PTPRD: variants seen among roughly 807,000 people sequenced by gnomAD.
The protein encoded by PTPRD is receptor-type tyrosine-protein phosphatase delta.
Under a neutral mutation model 214.5 loss-of-function variants are expected in PTPRD, and 34 were observed. The ratio of observed to expected loss-of-function variants is 0.16; its 90% CI spans 0.12 to 0.21. PTPRD has a LOEUF of 0.21. Ranked by LOEUF, PTPRD falls within the 10% of genes least tolerant of loss-of-function variation. PTPRD has a pLI of 1.00. For synonymous variants in PTPRD, 1,128 were observed against 845.7 expected (o/e 1.33, Z -5.79); for missense variants, 2,545 against 2,398.7 (o/e 1.06, Z -1.27).
intron 7 of PTPRD, among the ~76,000 whole-genome samples, chr9:9,635,442 CT>C (rs1170833283): frequency 6.6e-6 from 1 of 152,156 alleles, no homozygotes; most frequent in Non-Finnish European, 1.5e-5. Context: ...GAAACAGCTT[CT>C]GGCTGGACAC....
In PTPRD at chr9:10,131,617, A is replaced by T. The variant is rs2098885947; in HGVS notation, c.-544-97827T>A. On this transcript the variant is annotated intron_variant, in intron 3 of 45. Transcript: ENST00000381196. ...TATTAAATACCTCCCATTATTTTATAATTATATATGAAGGAAGATGTAAGC... is the reference window on the plus strand; with the variant it reads ...TATTAAATACCTCCCATTATTTTATTATTATATATGAAGGAAGATGTAAGC... 1.3e-5 allele frequency among the ~76,000 whole-genome samples: 2 copies of T among 152,150 alleles called. 1 individual carries two copies. The highest frequency in any genetic ancestry group is 4.1e-4 in the South Asian group (2 of 4,832).
intron 5 of PTPRD, among the ~76,000 whole-genome samples, chr9:9,826,055 C>T (rs150894963): frequency 6.6e-6 from 1 of 151,746 alleles, no homozygotes; most frequent in African/African-American, 2.4e-5. Flanking sequence ...ATCTGTTCTG[C>T]TCTCTTTTAT....
chr9:10,359,961 G>A (rs1276084979), intron 2 of PTPRD, among the ~76,000 whole-genome samples: 2 of 152,136 alleles, frequency 1.3e-5, no homozygotes, highest in African/African-American at 4.8e-5. Context: ...AGCTGCATTT[G>A]AATCTTTTAT....
chr9:8,677,897 C>T (rs1555104992), intron 12 of PTPRD, among the ~76,000 whole-genome samples: 1 of 152,096 alleles, frequency 6.6e-6, no homozygotes, highest in Non-Finnish European at 1.5e-5. Flanking sequence ...GGGAAAGCAG[C>T]AGCAGTTATT....
At chr9:9,190,608 G>A (rs1389738104) in intron 9 of PTPRD, among the ~76,000 whole-genome samples, 1 of 151,982 alleles carries the variant, frequency 6.6e-6, no homozygotes, top group East Asian at 1.9e-4. Context: ...TTCACCATGT[G>A]ATGACATAGC....
intron 10 of PTPRD, among the ~76,000 whole-genome samples, chr9:9,069,654 T>A (rs2099740884): frequency 6.6e-6 from 1 of 152,236 alleles, no homozygotes; most frequent in Non-Finnish European, 1.5e-5. Context: ...TTTCTTGTAG[T>A]GACCAGTGTC....
chr9:8,891,378 C>T (rs544240570), intron 11 of PTPRD, among the ~76,000 whole-genome samples: 27 of 151,738 alleles, frequency 1.8e-4, no homozygotes, highest in African/African-American at 5.6e-4. Flanking sequence ...GTGATCCGCC[C>T]GCCTCGGCCT....
intron 11 of PTPRD, among the ~76,000 whole-genome samples, chr9:8,805,738 G>C (rs1234931084): frequency 6.6e-6 from 1 of 151,532 alleles, no homozygotes; most frequent in Non-Finnish European, 1.5e-5. Context: ...GGTCACACCT[G>C]TAATTCCAGC....
intron 2 of PTPRD, among the ~76,000 whole-genome samples, chr9:10,390,926 C>T (rs1315463676): frequency 1.3e-5 from 2 of 151,734 alleles, no homozygotes; most frequent in African/African-American, 2.4e-5. Context: ...GGTCCACTAC[C>T]AACATCTGTC....
chr9:9,360,725 T>C (rs183572174), intron 9 of PTPRD, among the ~76,000 whole-genome samples: 8 of 151,340 alleles, frequency 5.3e-5, no homozygotes, highest in Admixed American at 5.3e-4. Context: ...TTATATTTTC[T>C]ATAAATAATG....
At position 9,549,242 on chromosome 9, in the gene PTPRD, A is replaced by G. The variant is rs566695880; in HGVS notation, c.-237+25490T>C. On this transcript the variant is annotated intron_variant, in intron 8 of 45. Coordinates refer to ENST00000381196, the MANE Select transcript of PTPRD (RefSeq NM_002839.4). ...GCCACAGGTTAGGAGAAAATTATAC[A>G]TATATATGTGTATAATGTATATATT... 1.3e-3 allele frequency among the ~76,000 whole-genome samples: 201 copies of G among 152,196 alleles called. 4 individuals are homozygous for G. The South Asian group carries it at 0.024, about 18-fold the overall frequency.
At chr9:8,474,113 G>C (rs1188101866) in intron 30 of PTPRD, among the ~76,000 whole-genome samples, 2 of 152,120 alleles carry the variant, frequency 1.3e-5, no homozygotes, top group Non-Finnish European at 2.9e-5. Flanking sequence ...ATGAACCTCA[G>C]AGTCAGGGTT....
intron 8 of PTPRD, among the ~76,000 whole-genome samples, chr9:9,412,137 T>C (rs2075648857): frequency 6.6e-6 from 1 of 152,196 alleles, no homozygotes; most frequent in South Asian, 2.1e-4. Flanking sequence ...TATAGCACTT[T>C]TTTTCTTTTC....
chr9:10,291,177 C>A (rs182666103), intron 3 of PTPRD, among the ~76,000 whole-genome samples: 13 of 152,026 alleles, frequency 8.6e-5, no homozygotes, highest in Admixed American at 8.5e-4. Flanking sequence ...CAGATGGGGC[C>A]TTTTCTCTTC....
At chr9:8,623,268 C>A (rs944296848) in intron 14 of PTPRD, among the ~76,000 whole-genome samples, 2 of 151,882 alleles carry the variant, frequency 1.3e-5, no homozygotes, top group Non-Finnish European at 2.9e-5. Context: ...TCTAAGCATG[C>A]AACTAACTCT....
intron 44 of PTPRD, 97 bp downstream of exon 44, chr9:8,331,485 T>G (rs534503085): frequency 8.5e-4 from 1,196 of 1,407,788 alleles, no homozygotes; most frequent in Admixed American, 1.1e-3. Context: ...TTGCCAAGAA[T>G]AAAATTTCAA....
chr9:9,904,885 G>T (rs2077195432), intron 5 of PTPRD, among the ~76,000 whole-genome samples: 1 of 151,948 alleles, frequency 6.6e-6, no homozygotes, highest in African/African-American at 2.4e-5. Flanking sequence ...AACGAAGTGG[G>T]GATTTAATTT....
intron 7 of PTPRD, among the ~76,000 whole-genome samples, chr9:9,720,503 T>C (rs1175366656): frequency 2.0e-5 from 3 of 152,140 alleles, no homozygotes; most frequent in African/African-American, 4.8e-5. Context: ...ACTTAGAAAA[T>C]ACTGGCAGGG....
intron 14 of PTPRD, among the ~76,000 whole-genome samples, chr9:8,548,486 G>A (rs897424773): frequency 1.3e-5 from 2 of 151,758 alleles, no homozygotes; most frequent in South Asian, 4.2e-4. Flanking sequence ...TTGTGCTTCA[G>A]CCTCCCAAGT....
Sources: gnomAD v4.1 joint callset for allele counts (sites outside exome capture counted in the v4.1 genomes callset) on GRCh38, gnomAD v4.1.1 for gene constraint, MANE v1.5 for transcripts, NCBI Gene and HGNC (gene_info 2026-07-23, HGNC 2026-07-21) for gene names.